The following CCDC43 variants were observed in gnomAD, a reference collection of about 807,000 sequenced individuals.
CCDC43 encodes coiled-coil domain-containing protein 43.
Under a neutral mutation model 33.3 loss-of-function variants are expected in CCDC43, and 20 were observed. That is an observed-to-expected ratio of 0.60 (90% CI 0.42 to 0.87). The LOEUF is 0.87. Among genes scored for constraint, CCDC43 ranks in the 40% least tolerant of loss-of-function variants. The probability of loss-of-function intolerance (pLI) is 0.00; values close to 1 mark genes in which losing one functional copy is unlikely to be tolerated. For synonymous variants in CCDC43, 104 were observed against 106.5 expected (o/e 0.98, Z 0.14); for missense variants, 248 against 269.9 (o/e 0.92, Z 0.57).
In CCDC43 at chr17:44,678,548, ATTTATCCAAGGTGAGGGAAGAC is replaced by A. The variant is rs1972110161; in HGVS notation, c.*286_*307del. ...GAAAACTGTTAGCTTTCTGAATCCTATTTATCCAAGGTGAGGGAAGACTTTTTAAAGTGGCCAAAAGGAGCAC... is the reference window on the plus strand; with the variant it reads ...GAAAACTGTTAGCTTTCTGAATCCTATTTTTAAAGTGGCCAAAAGGAGCAC... On this transcript the variant is annotated 3_prime_UTR_variant, in exon 5 of 5. Transcript: ENST00000315286. 1 of 238,706 alleles carries A rather than the reference ATTTATCCAAGGTGAGGGAAGAC, an allele frequency of 4.2e-6. No individual in the cohort carries two copies. The highest frequency in any genetic ancestry group is 2.3e-5 in the African/African-American group (1 of 44,364). The allele number at this position is 238,706 out of a possible 1,614,324, so 14.8% of individuals were successfully genotyped here.
At chr17:44,680,545 C>T (rs973061022) in intron 4 of CCDC43, 40 bp downstream of exon 4, 10 of 1,448,480 alleles carry the variant, frequency 6.9e-6, no homozygotes, top group African/African-American at 2.8e-5. Flanking sequence ...CTCAAGAGGA[C>T]TCTATGGAGA....
chr17:44,683,294 G>GGC (rs1972188980), intron 2 of CCDC43, among the ~76,000 whole-genome samples: 1 of 152,180 alleles, frequency 6.6e-6, no homozygotes, highest in Admixed American at 6.5e-5. Flanking sequence ...TTGGGAGGCT[G>GGC]AGGTGGGCAG....
intron 1 of CCDC43, among the ~76,000 whole-genome samples, chr17:44,686,312 T>G (rs1972235955): frequency 6.6e-6 from 1 of 152,226 alleles, no homozygotes; most frequent in Non-Finnish European, 1.5e-5. Context: ...GATTTCTTCC[T>G]CTACCTTGCA....
chr17:44,686,857 C>T (rs1972244013), intron 1 of CCDC43, among the ~76,000 whole-genome samples: 1 of 152,172 alleles, frequency 6.6e-6, no homozygotes, highest in African/African-American at 2.4e-5. Context: ...TTTGATAAAT[C>T]AATCAACCAA....
At chr17:44,679,661 A>C (rs1407809965) in intron 4 of CCDC43, among the ~76,000 whole-genome samples, 1 of 152,180 alleles carries the variant, frequency 6.6e-6, no homozygotes, top group African/African-American at 2.4e-5. Flanking sequence ...TGGGAGACTG[A>C]GGCAGGTAGA....
At position 44,686,620 on chromosome 17, in the gene CCDC43, G is replaced by A. The variant is rs1972241353; in HGVS notation, c.205-2661C>T. Among the ~76,000 whole-genome samples the A allele has an allele frequency of 2.0e-5, 3 of 152,280 alleles. 1 individual carries two copies. The South Asian group carries it at 6.2e-4, about 32-fold the overall frequency. On this transcript the variant is annotated intron_variant, in intron 1 of 4. Coordinates refer to ENST00000315286, the MANE Select transcript of CCDC43 (RefSeq NM_144609.3). ...ATCCATTCCTTCATTTATTTATACA[G>A]AAGGTGCCTGCTATGTTCAAGGCAC...
At position 44,680,638 on chromosome 17, in the gene CCDC43, G is replaced by T; in HGVS notation, c.434C>A (p.Ala145Glu). 2 of 1,606,068 alleles carry T rather than the reference G, an allele frequency of 1.2e-6. No homozygotes were observed. Among genetic ancestry groups the T allele is most frequent in the Admixed American group, 3.3e-5 (2 of 59,964 alleles). ...YADVTDEEDE[A>E]DEKDDSGATT... ...AGCACCTGAATCATCCTTCTCATCT[G>T]CTTCAGTAAGTGATGTTAAGGAAAG... Residue 145 changes from alanine to glutamate, a missense_variant, in exon 4 of 5, where the codon GCA (alanine) becomes GAA (glutamate). By Grantham distance (107) the Ala-to-Glu change is moderately radical (BLOSUM62 -1). Coordinates refer to ENST00000315286, the MANE Select transcript of CCDC43 (RefSeq NM_144609.3).
rs558216987 is a variant in CCDC43, at chr17:44,681,513, G to A, written c.428+490C>T. ...GTCACATAAGAAAGAAAAGATGCAA[G>A]CTGCTCTAAATTTAGAGAATCTTTC... On this transcript the variant is annotated intron_variant, in intron 3 of 4. Coordinates refer to ENST00000315286, the MANE Select transcript of CCDC43 (RefSeq NM_144609.3). 3.3e-5 allele frequency among the ~76,000 whole-genome samples: 5 copies of A among 152,262 alleles called. No homozygotes were observed. The South Asian group carries it at 1.0e-3, about 32-fold the overall frequency.
chr17:44,681,983 C>G lies in CCDC43; in HGVS notation c.428+20G>C, dbSNP rs757211281. The G allele has an allele frequency of 6.2e-7, 1 of 1,613,458 alleles. No homozygotes were observed. The highest frequency in any genetic ancestry group is 1.3e-5 in the African/African-American group (1 of 74,876). On this transcript the variant is annotated intron_variant, in intron 3 of 4. Coordinates refer to ENST00000315286, the MANE Select transcript of CCDC43 (RefSeq NM_144609.3). ...TGGCTTGAGCTTTAGGGAATGGTGC[C>G]GAGACTCCAGAAAGGATATTCCTCT...
chr17:44,678,893 T>A lies in CCDC43; in HGVS notation c.638A>T (p.Glu213Val), dbSNP rs1259339676. Reference protein sequence around the residue: ...KLAKQERKEKEKKRTQRGERK... With the variant: ...KLAKQERKEKVKKRTQRGERK... ...CTCCCCTCTCTGTGTCCTTTTTTTT[T>A]CCTTTTCCTTGCGCTCCTGCTTGGC... is the stretch of plus-strand genomic sequence containing the variant. The change falls in exon 5 of 5, where the codon GAA becomes GTA. Residue 213 changes from glutamate to valine, a missense_variant. Transcript: ENST00000315286. The A allele has an allele frequency of 6.2e-7, 1 of 1,613,854 alleles. No individual in the cohort carries two copies. Among genetic ancestry groups the A allele is most frequent in the Non-Finnish European group, 8.5e-7 (1 of 1,179,836 alleles).
At chr17:44,681,760 A>G in intron 3 of CCDC43, 1 of 507,406 alleles carries the variant, frequency 2.0e-6, no homozygotes, top group South Asian at 2.4e-5. Context: ...GACTATTAAG[A>G]CATTATTTGT....
In CCDC43 at chr17:44,689,679, C is replaced by A; in HGVS notation, c.75G>T (p.Trp25Cys). Residue 25 changes from tryptophan (W) to cysteine (C), a missense_variant, in exon 1 of 5, where the codon TGG becomes TGT. Physicochemically the swap from Trp to Cys is radical, Grantham distance 215 (BLOSUM62 -2). Coordinates refer to ENST00000315286, the MANE Select transcript of CCDC43 (RefSeq NM_144609.3). ...CCAGTGCCTCCAACCGTCCGTCCAG[C>A]CAGGAGCCAAAGCCGCCGCCTCCGC... Reference protein sequence around the residue: ...GDGGGGGFGSWLDGRLEALGV... With the variant: ...GDGGGGGFGSCLDGRLEALGV... The A allele has an allele frequency of 6.2e-7, 1 of 1,611,400 alleles. No homozygotes were observed. Among genetic ancestry groups the A allele is most frequent in the Non-Finnish European group, 8.5e-7 (1 of 1,179,006 alleles).
chr17:44,684,193 C>T (rs1972201453), intron 1 of CCDC43, among the ~76,000 whole-genome samples: 1 of 152,170 alleles, frequency 6.6e-6, no homozygotes, highest in African/African-American at 2.4e-5. Flanking sequence ...TCCTGATAAG[C>T]TCCAAGGGAA....
In CCDC43 at chr17:44,680,608, G is replaced by T. The variant is rs769555634; in HGVS notation, c.464C>A (p.Thr155Lys). Reference protein sequence around the residue: ...ADEKDDSGATTMNIGSDKLLF... With the variant: ...ADEKDDSGATKMNIGSDKLLF... The stretch of plus-strand genomic sequence containing the variant: ...ACGTTTGTCAGAACCAATGTTCATT[G>T]TGGTAGCACCTGAATCATCCTTCTC... Residue 155 changes from threonine to lysine, a missense_variant, in exon 4 of 5, where the codon ACA (threonine) becomes AAA (lysine). Physicochemically the swap from Thr to Lys is moderately conservative, Grantham distance 78 (BLOSUM62 -1). Coordinates refer to ENST00000315286, the MANE Select transcript of CCDC43 (RefSeq NM_144609.3). 15 of 1,608,598 alleles carry T rather than the reference G, an allele frequency of 9.3e-6. No homozygotes were observed. Among genetic ancestry groups the T allele is most frequent in the Non-Finnish European group, 1.3e-5 (15 of 1,175,482 alleles).
chr17:44,682,814 G>A (rs1216150475), intron 2 of CCDC43, among the ~76,000 whole-genome samples: 5 of 151,908 alleles, frequency 3.3e-5, no homozygotes, highest in African/African-American at 7.3e-5. Flanking sequence ...CCGAGATCAC[G>A]CCACTGCACT....
chr17:44,680,414 A>G (rs186361050), intron 4 of CCDC43, among the ~76,000 whole-genome samples, 171 bp downstream of exon 4: 1 of 152,282 alleles, frequency 6.6e-6, no homozygotes, highest in Non-Finnish European at 1.5e-5. Context: ...TCTCTGGGGA[A>G]AGTTCTTGCT....
chr17:44,683,152 A>G (rs1371371351), intron 2 of CCDC43, among the ~76,000 whole-genome samples: 1 of 152,192 alleles, frequency 6.6e-6, no homozygotes, highest in African/African-American at 2.4e-5. Context: ...TGGTGGGTAT[A>G]TTCGCCCATT....
In CCDC43 at chr17:44,678,330, T is replaced by C. The variant is rs1972106715; in HGVS notation, c.*526A>G. 1 of 151,060 alleles carries C rather than the reference T, an allele frequency of 6.6e-6. No homozygotes were observed. The highest frequency in any genetic ancestry group is 1.5e-5 in the Non-Finnish European group (1 of 67,882). The allele number at this position is 151,060 out of a possible 1,614,324, so 9.4% of individuals were successfully genotyped here. A position where few individuals can be genotyped will look rare whatever the true frequency, so the allele number is the denominator to read the frequency against. ...AATCAGATCTAGAACACCCCGCAAG[T>C]AATTTCTTCCCATTTTCCTAGTTTT... On this transcript the variant is annotated 3_prime_UTR_variant, in exon 5 of 5. Transcript: ENST00000315286.
intron 1 of CCDC43, among the ~76,000 whole-genome samples, chr17:44,684,280 CTG>C (rs572548058): frequency 6.6e-6 from 1 of 152,112 alleles, no homozygotes; most frequent in Non-Finnish European, 1.5e-5. Flanking sequence ...CAAATAATAA[CTG>C]TATATATTAT....
Sources: allele counts gnomAD v4.1 joint callset (sites outside exome capture counted in the v4.1 genomes callset), GRCh38; gene constraint gnomAD v4.1.1; transcripts MANE v1.5; gene names NCBI Gene and HGNC (gene_info 2026-07-23, HGNC 2026-07-21).